WDR3: variants seen among roughly 807,000 people sequenced by gnomAD.
WDR3 encodes WD repeat domain 3, also known as WD repeat-containing protein 3.
Under a neutral mutation model 123.7 loss-of-function variants are expected in WDR3, and 81 were observed. The observed-to-expected ratio is 0.65, with a 90% confidence interval of 0.55 to 0.79. WDR3 has a LOEUF of 0.79. Among genes scored for constraint, WDR3 ranks in the 30% least tolerant of loss-of-function variants. The pLI, the probability that WDR3 is intolerant of heterozygous loss-of-function variation, is 0.00. For synonymous variants in WDR3, 390 were observed against 388.8 expected, an observed-to-expected ratio of 1.00 and a Z score of -0.04; for missense variants, 1,027 against 1,123.2, an observed-to-expected ratio of 0.91 and a Z score of 1.22.
At position 117,946,128 on chromosome 1, in the gene WDR3, A is replaced by T. The variant is rs1473011015; in HGVS notation, c.1371A>T (p.Ala457=). Residue 457 remains alanine (A), a synonymous_variant, in exon 12 of 27, where the codon GCA becomes GCT. Transcript: ENST00000349139. ...TTCGCACAATGACCTGTGAATATGCACTTTGCTCATTCTTTGTACCTGGTG... is the reference window on the plus strand; with the variant it reads ...TTCGCACAATGACCTGTGAATATGCTCTTTGCTCATTCTTTGTACCTGGTG... ...QCIRTMTCEY[A]LCSFFVPGDR... 6.2e-7 allele frequency: 1 copy of T among 1,613,310 alleles called. No homozygotes were observed. The highest frequency in any genetic ancestry group is 8.5e-7 in the Non-Finnish European group (1 of 1,179,528).
intron 4 of WDR3, among the ~76,000 whole-genome samples, chr1:117,937,698 G>A (rs918579815): frequency 6.6e-6 from 1 of 152,158 alleles, no homozygotes; most frequent in Non-Finnish European, 1.5e-5. Flanking sequence ...TCAGGTTTTT[G>A]AGCGGTGTTT....
At chr1:117,942,669 C>T in intron 10 of WDR3, 125 bp downstream of exon 10, 1 of 777,894 alleles carries the variant, frequency 1.3e-6, no homozygotes, top group Non-Finnish European at 2.1e-6. Flanking sequence ...CATGAGACAT[C>T]TGTGTCACAC....
In WDR3 at chr1:117,957,600, CTGTGGCCCGCAGGCCACA is replaced by C. The variant is rs534962154; in HGVS notation, c.2582+413_2582+430del. 2.6e-4 allele frequency among the ~76,000 whole-genome samples: 40 copies of C among 152,360 alleles called. No homozygotes were observed. The East Asian group carries it at 5.6e-3, about 21-fold the overall frequency. ...TTCTTTTAAGCCAACCTTGTCCAGC[CTGTGGCCCGCAGGCCACA>C]TGTGGCCCAGTATGGCTTTGAATGT... On this transcript the variant is annotated intron_variant, in intron 25 of 26. Transcript: ENST00000349139.
chr1:117,938,421 A>C, intron 4 of WDR3, 59 bp from the exon 5 acceptor site: 2 of 1,399,398 alleles, frequency 1.4e-6, no homozygotes, highest in Non-Finnish European at 2.0e-6. Flanking sequence ...GGATCTCCCT[A>C]TTCGTTGAAT....
chr1:117,959,236 C>G (rs1385175408), intron 26 of WDR3, 56 bp from the exon 27 acceptor site: 1 of 1,575,626 alleles, frequency 6.3e-7, no homozygotes, highest in African/African-American at 1.4e-5. Context: ...TCATACGCTG[C>G]TATAATGAAT....
chr1:117,932,351 G>A (rs938512628), intron 1 of WDR3, among the ~76,000 whole-genome samples: 4 of 152,222 alleles, frequency 2.6e-5, no homozygotes, highest in Non-Finnish European at 5.9e-5. Context: ...TGCAATAGCA[G>A]CATCACTTGG....
At chr1:117,955,217 A>G in intron 23 of WDR3, 98 bp from the exon 24 acceptor site, 1 of 997,076 alleles carries the variant, frequency 1.0e-6, no homozygotes, top group South Asian at 1.7e-5. Flanking sequence ...TTCTGAAGTA[A>G]GAAGGAGGGG....
At chr1:117,949,234 C>T (rs930929001) in intron 13 of WDR3, among the ~76,000 whole-genome samples, 2 of 151,946 alleles carry the variant, frequency 1.3e-5, no homozygotes, top group Admixed American at 1.3e-4. Context: ...TAGGGATTTA[C>T]GGAAAGGTTG....
At chr1:117,934,443 C>G (rs1272298454) in intron 2 of WDR3, 30 bp from the exon 3 acceptor site, 11 of 1,608,976 alleles carry the variant, frequency 6.8e-6, no homozygotes, top group Non-Finnish European at 9.3e-6. Context: ...CTTAACTCTT[C>G]TACATTGTTT....
intron 12 of WDR3, among the ~76,000 whole-genome samples, chr1:117,947,285 A>G (rs971860381): frequency 6.6e-6 from 1 of 152,226 alleles, no homozygotes; most frequent in South Asian, 2.1e-4. Context: ...AACAAGGTCT[A>G]TGGAGTGTTT....
At chr1:117,954,868 C>CTGTT (rs1651936672) in intron 23 of WDR3, among the ~76,000 whole-genome samples, 1 of 152,004 alleles carries the variant, frequency 6.6e-6, no homozygotes, top group African/African-American at 2.4e-5. Context: ...TTTCTAGTGC[C>CTGTT]TGTTTATGTT....
chr1:117,941,270 C>T lies in WDR3; in HGVS notation c.891+45C>T, dbSNP rs780096406. The T allele has an allele frequency of 3.9e-6, 6 of 1,550,042 alleles. No individual in the cohort carries two copies. The South Asian group carries it at 6.9e-5, about 18-fold the overall frequency. Reference sequence around the variant, plus strand: ...GAAAATAACAAGGACTAGGCTGTTCCTTCCAAACACTCATTCTTTCATATT... The same window carrying T: ...GAAAATAACAAGGACTAGGCTGTTCTTTCCAAACACTCATTCTTTCATATT... On this transcript the variant is annotated intron_variant, in intron 8 of 26. Transcript: ENST00000349139.
At position 117,939,245 on chromosome 1, in the gene WDR3, T is replaced by C. The variant is rs116280201; in HGVS notation, c.580-232T>C. On this transcript the variant is annotated intron_variant, in intron 5 of 26. Coordinates refer to ENST00000349139, the MANE Select transcript of WDR3 (RefSeq NM_006784.3). The stretch of plus-strand genomic sequence containing the variant: ...ATTATCTTAATTTGATTATACGAGG[T>C]TAGAGACAAACTGCTAGTATCACAA... Among the ~76,000 whole-genome samples the C allele has an allele frequency of 6.6e-3, 1,009 of 152,330 alleles. 10 individuals carry two copies. Among genetic ancestry groups the C allele is most frequent in the African/African-American group, 0.022 (934 of 41,574 alleles).
chr1:117,942,528 A>C lies in WDR3; in HGVS notation c.1081A>C (p.Thr361Pro). ...DEIQRVTNIKTSAKIKSFDLI... is the reference protein window; with the variant it reads ...DEIQRVTNIKPSAKIKSFDLI... ...AATCCAGCGGGTGACTAATATAAAA[A>C]CTTCTGCCAAAATCAAGTGAGTAAA... The change falls in exon 10 of 27, where the codon ACT (threonine) becomes CCT (proline). Residue 361 changes from threonine to proline, a missense_variant. Physicochemically the swap from Thr to Pro is conservative, Grantham distance 38 (BLOSUM62 -1). Coordinates refer to ENST00000349139, the MANE Select transcript of WDR3 (RefSeq NM_006784.3). 6.2e-7 allele frequency: 1 copy of C among 1,613,734 alleles called. No individual in the cohort carries two copies. Among genetic ancestry groups the C allele is most frequent in the Admixed American group, 1.7e-5 (1 of 59,960 alleles).
In WDR3 at chr1:117,946,766, C is replaced by A. The variant is rs1392950882; in HGVS notation, c.1422+587C>A. ...ACCATCCTGGCTAACACGGTGAAACCCTGTCTCTACTAAAAATACAAAAAA... is the reference window on the plus strand; with the variant it reads ...ACCATCCTGGCTAACACGGTGAAACACTGTCTCTACTAAAAATACAAAAAA... On this transcript the variant is annotated intron_variant, in intron 12 of 26. Transcript: ENST00000349139. 2.6e-5 allele frequency among the ~76,000 whole-genome samples: 4 copies of A among 151,878 alleles called. No individual in the cohort carries two copies. The East Asian group carries it at 7.8e-4, about 29-fold the overall frequency.
intron 6 of WDR3, 91 bp from the exon 7 acceptor site, chr1:117,940,736 A>G: frequency 1.7e-6 from 2 of 1,205,960 alleles, no homozygotes; most frequent in Non-Finnish European, 2.4e-6. Flanking sequence ...TCCGACAACA[A>G]CAACAACAAC....
At chr1:117,950,926 T>C in intron 16 of WDR3, 36 bp downstream of exon 16, 1 of 1,539,996 alleles carries the variant, frequency 6.5e-7, no homozygotes, top group Admixed American at 2.0e-5. Flanking sequence ...TAATATGTTG[T>C]CTTTTTTACA....
At position 117,932,417 on chromosome 1, in the gene WDR3, A is replaced by G. The variant is rs114283340; in HGVS notation, c.-32-871A>G. ...CTACCTCAGACTTATGAAATCAGAA[A>G]CAGGTGCTGGGAGAAGAGATGAGAT... On this transcript the variant is annotated intron_variant, in intron 1 of 26. Transcript: ENST00000349139. Among the ~76,000 whole-genome samples the G allele has an allele frequency of 7.5e-3, 1,135 of 152,340 alleles. 14 individuals carry two copies. The highest frequency in any genetic ancestry group is 0.025 in the African/African-American group (1,057 of 41,572).
chr1:117,935,439 A>G (rs1172543405), intron 3 of WDR3, among the ~76,000 whole-genome samples: 1 of 152,072 alleles, frequency 6.6e-6, no homozygotes, highest in Admixed American at 6.5e-5. Flanking sequence ...GAAGTATCAT[A>G]TTGATACTTC....
Sources: gnomAD v4.1 joint callset for allele counts (sites outside exome capture counted in the v4.1 genomes callset) on GRCh38, gnomAD v4.1.1 for gene constraint, MANE v1.5 for transcripts, NCBI Gene and HGNC (gene_info 2026-07-23, HGNC 2026-07-21) for gene names.